Variants in PCDH15 observed in about 807,000 individuals in gnomAD.
PCDH15 encodes the protein protocadherin-15.
In PCDH15, 129 loss-of-function variants were observed where a neutral mutation model predicts 178.5. The ratio of observed to expected loss-of-function variants is 0.72; its 90% CI spans 0.63 to 0.84. PCDH15 has a LOEUF of 0.84. Among genes scored for constraint, PCDH15 ranks in the 40% least tolerant of loss-of-function variants. PCDH15 has a pLI of 0.00. For synonymous variants in PCDH15, 800 were observed against 732.0 expected, an observed-to-expected ratio of 1.09 and a Z score of -1.50; for missense variants, 2,230 against 2,099.9, an observed-to-expected ratio of 1.06 and a Z score of -1.21.
chr10:53,912,276 A>G (rs568492862), intron 25 of PCDH15, among the ~76,000 whole-genome samples: 1 of 152,334 alleles, frequency 6.6e-6, no homozygotes, highest in African/African-American at 2.4e-5. Context: ...TCAATAAACT[A>G]GGTATTGATG....
At chr10:54,922,207 T>C (rs1460627938) in intron 2 of PCDH15, among the ~76,000 whole-genome samples, 1 of 152,098 alleles carries the variant, frequency 6.6e-6, no homozygotes, top group Non-Finnish European at 1.5e-5. Flanking sequence ...CCCAAAGTCT[T>C]GACTCATTAC....
At chr10:54,659,767 A>AG in intron 2 of PCDH15, among the ~76,000 whole-genome samples, 1 of 150,108 alleles carries the variant, frequency 6.7e-6, no homozygotes, top group East Asian at 2.0e-4. Flanking sequence ...AAAAAAAAAA[A>AG]ATACATATCA....
At chr10:54,896,243 A>C (rs1343825108) in intron 3 of PCDH15, among the ~76,000 whole-genome samples, 1 of 152,146 alleles carries the variant, frequency 6.6e-6, no homozygotes, top group Non-Finnish European at 1.5e-5. Context: ...TTTTTATTTA[A>C]CTTTCAATTT....
chr10:54,708,813 C>T (rs977251299), intron 1 of PCDH15, among the ~76,000 whole-genome samples: 2 of 150,498 alleles, frequency 1.3e-5, no homozygotes, highest in African/African-American at 2.4e-5. Flanking sequence ...CGCGCGCGTG[C>T]GTGTGGTCAT....
intron 2 of PCDH15, among the ~76,000 whole-genome samples, chr10:54,936,250 G>A (rs1426299765): frequency 6.6e-6 from 1 of 151,958 alleles, no homozygotes; most frequent in Non-Finnish European, 1.5e-5. Flanking sequence ...TTCATTGTGT[G>A]GATATACTAC....
At chr10:55,421,628 T>A (rs181935751) in intron 2 of PCDH15, among the ~76,000 whole-genome samples, 1 of 151,212 alleles carries the variant, frequency 6.6e-6, no homozygotes, top group Non-Finnish European at 1.5e-5. Flanking sequence ...GAAACTGATA[T>A]GTTAATGAAC....
chr10:54,018,154 C>T (rs2135256614), intron 20 of PCDH15, among the ~76,000 whole-genome samples: 1 of 152,146 alleles, frequency 6.6e-6, no homozygotes, highest in African/African-American at 2.4e-5. Flanking sequence ...TGCCTATGAC[C>T]TTCTTTTCCT....
chr10:55,420,609 A>G (rs1446573342), intron 2 of PCDH15, among the ~76,000 whole-genome samples: 1 of 151,680 alleles, frequency 6.6e-6, no homozygotes, highest in Non-Finnish European at 1.5e-5. Context: ...AGACTGGAGC[A>G]TGGGGAACAG....
chr10:54,231,273 C>T (rs1189011756), intron 9 of PCDH15, among the ~76,000 whole-genome samples: 2 of 152,182 alleles, frequency 1.3e-5, no homozygotes, highest in Non-Finnish European at 2.9e-5. Context: ...CCCAGATATG[C>T]CTCAGGCCTC....
At chr10:54,349,859 A>G (rs1309286432) in intron 5 of PCDH15, among the ~76,000 whole-genome samples, 2 of 152,152 alleles carry the variant, frequency 1.3e-5, no homozygotes, top group African/African-American at 4.8e-5. Context: ...TCAATTTCAA[A>G]TGTTCTCATT....
chr10:55,195,369 G>A (rs796096509), intron 1 of PCDH15, among the ~76,000 whole-genome samples: 7 of 151,590 alleles, frequency 4.6e-5, no homozygotes, highest in African/African-American at 1.7e-4. Flanking sequence ...GAAGCCGGGC[G>A]CTGTGATTCA....
At chr10:55,308,684 A>G (rs1171397563) in intron 1 of PCDH15, among the ~76,000 whole-genome samples, 1 of 152,160 alleles carries the variant, frequency 6.6e-6, no homozygotes, top group Non-Finnish European at 1.5e-5. Flanking sequence ...ACTTAAAATC[A>G]CCTGTTCCTA....
At chr10:54,508,734 A>C (rs1457638824) in intron 3 of PCDH15, among the ~76,000 whole-genome samples, 1 of 152,122 alleles carries the variant, frequency 6.6e-6, no homozygotes, top group South Asian at 2.1e-4. Flanking sequence ...TCGCCGGATG[A>C]TGGAGATGCT....
chr10:54,126,723 A>G (rs2042022062), intron 15 of PCDH15, among the ~76,000 whole-genome samples: 1 of 152,054 alleles, frequency 6.6e-6, no homozygotes, highest in Admixed American at 6.6e-5. Flanking sequence ...TTATTTTTGA[A>G]TGATTATCAA....
At chr10:54,838,331 A>G (rs1295497011) in intron 3 of PCDH15, among the ~76,000 whole-genome samples, 1 of 152,076 alleles carries the variant, frequency 6.6e-6, no homozygotes, top group Non-Finnish European at 1.5e-5. Context: ...CGTGATAGTA[A>G]GTGAGTCTCA....
At chr10:55,509,863 A>G (rs999440738) in intron 2 of PCDH15, among the ~76,000 whole-genome samples, 1 of 151,956 alleles carries the variant, frequency 6.6e-6, no homozygotes, top group African/African-American at 2.4e-5. Context: ...TCATAGAGCT[A>G]TTGAAACTCC....
At chr10:54,462,680 ATTT>A (rs767750465) in intron 3 of PCDH15, among the ~76,000 whole-genome samples, 8 of 56,234 alleles carry the variant, frequency 1.4e-4, no homozygotes, top group African/African-American at 7.1e-4. Flanking sequence ...CACCTGCTTA[ATTT>A]TTTTTTTTTT....
intron 1 of PCDH15, among the ~76,000 whole-genome samples, chr10:55,212,645 C>T (rs954019070): frequency 6.6e-6 from 1 of 152,036 alleles, no homozygotes; most frequent in African/African-American, 2.4e-5. Context: ...GATGTTCCTG[C>T]TCTGTGAAAG....
At chr10:54,333,239 C>A (rs761887013) in intron 6 of PCDH15, among the ~76,000 whole-genome samples, 1 of 152,010 alleles carries the variant, frequency 6.6e-6, no homozygotes, top group African/African-American at 2.4e-5. Flanking sequence ...AGCCACCATC[C>A]CTGGCCTAGA....
Sources: gnomAD v4.1 joint callset for allele counts (sites outside exome capture counted in the v4.1 genomes callset) on GRCh38, gnomAD v4.1.1 for gene constraint, MANE v1.5 for transcripts, NCBI Gene and HGNC (gene_info 2026-07-23, HGNC 2026-07-21) for gene names.